Variants in CAMTA1 observed in about 807,000 individuals in gnomAD.
CAMTA1 encodes the protein calmodulin binding transcription activator 1.
A neutral mutation model predicts 170.9 loss-of-function variants in CAMTA1; 27 were observed. The ratio of observed to expected loss-of-function variants is 0.16; its 90% CI spans 0.12 to 0.22. The LOEUF (loss-of-function observed/expected upper bound fraction) is 0.22, where lower values mean the gene tolerates loss of function less well. CAMTA1 is among the 10% of genes least tolerant of loss of function. The pLI is 1.00. For missense variants in CAMTA1, 1,619 were observed against 2,217.2 expected (o/e 0.73, Z 5.42); for synonymous variants, 833 against 891.5 (o/e 0.93, Z 1.17).
At chr1:7,124,285 C>A (rs948860041) in intron 4 of CAMTA1, among the ~76,000 whole-genome samples, 4 of 152,172 alleles carry the variant, frequency 2.6e-5, no homozygotes, top group Non-Finnish European at 4.4e-5. Flanking sequence ...TCCCCTGTTG[C>A]GTTCCCACCG....
chr1:7,485,622 G>T (rs1365961593), intron 6 of CAMTA1, among the ~76,000 whole-genome samples: 1 of 152,188 alleles, frequency 6.6e-6, no homozygotes, highest in Non-Finnish European at 1.5e-5. Context: ...CTGGGCCCCT[G>T]GGTGAGTCCA....
intron 6 of CAMTA1, among the ~76,000 whole-genome samples, chr1:7,605,829 C>A (rs183272642): frequency 6.6e-6 from 1 of 152,300 alleles, no homozygotes; most frequent in African/African-American, 2.4e-5. Flanking sequence ...TTGGCTCCAC[C>A]CCCCAATTTA....
chr1:7,522,955 G>A (rs369415766), intron 6 of CAMTA1, among the ~76,000 whole-genome samples: 34 of 152,286 alleles, frequency 2.2e-4, no homozygotes, highest in African/African-American at 6.7e-4. Context: ...CAACCTCTGC[G>A]TCCTGGATTC....
chr1:7,259,818 A>G (rs1667912352), intron 5 of CAMTA1, among the ~76,000 whole-genome samples: 1 of 152,252 alleles, frequency 6.6e-6, no homozygotes, highest in African/African-American at 2.4e-5. Context: ...ATGACTAAAC[A>G]GTTCCCTCAG....
At chr1:7,387,846 C>T (rs1394363555) in intron 5 of CAMTA1, among the ~76,000 whole-genome samples, 2 of 152,234 alleles carry the variant, frequency 1.3e-5, no homozygotes, top group Non-Finnish European at 2.9e-5. Flanking sequence ...TTGTCTGCAA[C>T]ACAATTGATC....
chr1:7,480,290 C>T (rs761643171), intron 6 of CAMTA1, among the ~76,000 whole-genome samples: 11 of 143,030 alleles, frequency 7.7e-5, no homozygotes, highest in South Asian at 4.6e-4. Context: ...TGTATGAGTG[C>T]GTGTGTGTAT....
chr1:7,634,123 G>T lies in CAMTA1; in HGVS notation c.511-6277G>T, dbSNP rs1360514796. Reference sequence around the variant, plus strand: ...GAACAGCCCAACCACGCCTGCTGCTGTTTGAAGGGTGGGTTGGGGAAGGGA... The same window carrying T: ...GAACAGCCCAACCACGCCTGCTGCTTTTTGAAGGGTGGGTTGGGGAAGGGA... On this transcript the variant is annotated intron_variant, in intron 6 of 22. Coordinates refer to ENST00000303635, the MANE Select transcript of CAMTA1 (RefSeq NM_015215.4). The surrounding 1 kb of genome is among the most constrained non-coding windows in gnomAD (Gnocchi z 6.2). Among the ~76,000 whole-genome samples the T allele has an allele frequency of 2.0e-5, 3 of 152,190 alleles. No homozygotes were observed. The highest frequency in any genetic ancestry group is 6.5e-5 in the Admixed American group (1 of 15,290).
At chr1:7,075,041 A>G (rs1280916674) in intron 3 of CAMTA1, among the ~76,000 whole-genome samples, 2 of 152,234 alleles carry the variant, frequency 1.3e-5, no homozygotes, top group Admixed American at 1.3e-4. Flanking sequence ...GTAACTGTTA[A>G]GTGAAAACAA....
In CAMTA1 at chr1:7,005,960, A is replaced by G. The variant is rs565812925; in HGVS notation, c.235-85344A>G. On this transcript the variant is annotated intron_variant, in intron 3 of 22. Coordinates refer to ENST00000303635, the MANE Select transcript of CAMTA1 (RefSeq NM_015215.4). ...TCTGGCTGTACGGAGTTGGTGTGGG[A>G]TAGACCAGGGCAGGGTCTGTTGGCG... is the stretch of plus-strand genomic sequence containing the variant. Among the ~76,000 whole-genome samples the G allele has an allele frequency of 5.3e-5, 8 of 152,316 alleles. No individual in the cohort carries two copies. In the East Asian group the frequency reaches 1.5e-3, roughly 29 times the overall value.
At chr1:7,620,265 G>T (rs188740770) in intron 6 of CAMTA1, among the ~76,000 whole-genome samples, 23 of 152,322 alleles carry the variant, frequency 1.5e-4, no homozygotes, top group Admixed American at 5.2e-4. Context: ...TAATTTAGTC[G>T]TGGAGGCCAG....
intron 3 of CAMTA1, among the ~76,000 whole-genome samples, chr1:7,081,260 T>C (rs1293711689): frequency 6.6e-6 from 1 of 152,240 alleles, no homozygotes; most frequent in Admixed American, 6.5e-5. Flanking sequence ...CTGCAAGGGA[T>C]GTGTCTTTGC....
intron 6 of CAMTA1, among the ~76,000 whole-genome samples, chr1:7,621,751 C>G (rs1237751171): frequency 2.6e-5 from 4 of 152,206 alleles, no homozygotes; most frequent in Non-Finnish European, 5.9e-5. Flanking sequence ...ATGGAGACGT[C>G]TGTGCAATCC....
intron 8 of CAMTA1, 36 bp downstream of exon 8, chr1:7,661,902 G>C: frequency 6.4e-7 from 1 of 1,565,804 alleles, no homozygotes; most frequent in Non-Finnish European, 8.7e-7. Context: ...GGGCGCCACG[G>C]GGACAGAGGG....
Position 7,092,586 on chromosome 1 carries a change from T to A in CAMTA1, c.302+1215T>A, listed in dbSNP as rs1641621948. On this transcript the variant is annotated intron_variant, in intron 4 of 22. Coordinates refer to ENST00000303635, the MANE Select transcript of CAMTA1 (RefSeq NM_015215.4). This position sits in a 1 kb window ranked among gnomAD's most constrained non-coding sequence, Gnocchi z 5.0. ...TGGGAGGAGAGTCTGTCCGCAGGAG[T>A]CCCCAAAACCTCAGCCTGCTGGAAC... Among the ~76,000 whole-genome samples the A allele has an allele frequency of 6.6e-6, 1 of 152,006 alleles. No individual in the cohort carries two copies. Among genetic ancestry groups the A allele is most frequent in the Non-Finnish European group, 1.5e-5 (1 of 68,008 alleles).
chr1:7,009,770 T>C (rs1214287112), intron 3 of CAMTA1, among the ~76,000 whole-genome samples: 2 of 152,312 alleles, frequency 1.3e-5, no homozygotes, highest in South Asian at 2.1e-4. Context: ...CTAAGGCAGC[T>C]TGGACATGGG....
intron 3 of CAMTA1, among the ~76,000 whole-genome samples, chr1:6,864,302 A>G (rs1025352574): frequency 2.0e-5 from 3 of 152,148 alleles, no homozygotes; most frequent in Non-Finnish European, 2.9e-5. Context: ...CTGCAGTCCA[A>G]GCCACAATTG....
At chr1:7,257,076 C>CTGGGGGG (rs1553291545) in intron 5 of CAMTA1, among the ~76,000 whole-genome samples, 1 of 135,132 alleles carries the variant, frequency 7.4e-6, no homozygotes, top group Non-Finnish European at 1.6e-5. Flanking sequence ...CATCGCATGG[C>CTGGGGGG]GGGGGCGGGG....
chr1:6,986,793 G>A (rs1695430458), intron 3 of CAMTA1, among the ~76,000 whole-genome samples: 1 of 152,054 alleles, frequency 6.6e-6, no homozygotes, highest in African/African-American at 2.4e-5. Flanking sequence ...TTAATGCAGG[G>A]AGCAAACCTC....
intron 6 of CAMTA1, among the ~76,000 whole-genome samples, chr1:7,523,113 C>T (rs375411980): frequency 1.6e-4 from 25 of 152,348 alleles, no homozygotes; most frequent in East Asian, 7.7e-4. Flanking sequence ...GTAATCTGCC[C>T]GCCTTGGCCT....
Sources: allele counts gnomAD v4.1 joint callset (sites outside exome capture counted in the v4.1 genomes callset), GRCh38; gene constraint gnomAD v4.1.1; non-coding constraint Gnocchi (gnomAD v3.1); transcripts MANE v1.5; gene names NCBI Gene and HGNC (gene_info 2026-07-23, HGNC 2026-07-21).